Variants in CCDC7 observed in about 807,000 individuals in gnomAD.
CCDC7 encodes the protein coiled-coil domain-containing protein 7.
CCDC7 carries 183 observed loss-of-function variants against 196.9 expected under a neutral mutation model. The ratio of observed to expected loss-of-function variants is 0.93; its 90% CI spans 0.82 to 1.05. The LOEUF is 1.05. Among genes scored for constraint, CCDC7 ranks in the 50% least tolerant of loss-of-function variants. The pLI, the probability that CCDC7 is intolerant of heterozygous loss-of-function variation, is 0.00. For missense variants in CCDC7, 1,540 were observed against 1,482.2 expected, an observed-to-expected ratio of 1.04 and a Z score of -0.64; for synonymous variants, 525 against 484.6, an observed-to-expected ratio of 1.08 and a Z score of -1.10.
chr10:32,732,888 C>A (rs1018388035), intron 28 of CCDC7, among the ~76,000 whole-genome samples: 1 of 151,992 alleles, frequency 6.6e-6, no homozygotes, highest in African/African-American at 2.4e-5. Context: ...GTACTTTCAA[C>A]CTTTTTGTAT....
At chr10:32,687,694 C>T (rs2076615602) in intron 22 of CCDC7, among the ~76,000 whole-genome samples, 1 of 152,186 alleles carries the variant, frequency 6.6e-6, no homozygotes, top group South Asian at 2.1e-4. Flanking sequence ...GGTATACATC[C>T]TCAGGTGCCA....
At chr10:32,538,520 G>A (rs2050878809) in intron 11 of CCDC7, among the ~76,000 whole-genome samples, 1 of 152,164 alleles carries the variant, frequency 6.6e-6, no homozygotes, top group Non-Finnish European at 1.5e-5. Flanking sequence ...CTAATATTGT[G>A]TTGGATAGAA....
chr10:32,521,291 T>C (rs921045789), intron 11 of CCDC7, among the ~76,000 whole-genome samples: 6 of 152,202 alleles, frequency 3.9e-5, no homozygotes, highest in African/African-American at 1.4e-4. Flanking sequence ...ACACTGAATC[T>C]GTACATTGCT....
intron 41 of CCDC7, among the ~76,000 whole-genome samples, chr10:32,861,098 G>A: frequency 1.0e-5 from 1 of 97,936 alleles, no homozygotes; most frequent in Non-Finnish European, 2.1e-5. Flanking sequence ...AGCCTGCATA[G>A]CCAAGACAAT....
chr10:32,611,932 G>A (rs757267205), intron 18 of CCDC7, among the ~76,000 whole-genome samples: 11 of 152,314 alleles, frequency 7.2e-5, no homozygotes, highest in Non-Finnish European at 1.5e-4. Flanking sequence ...GAAATTTGAA[G>A]TAGTTTTTTC....
At chr10:32,677,880 T>A (rs1234654632) in intron 21 of CCDC7, among the ~76,000 whole-genome samples, 1 of 152,186 alleles carries the variant, frequency 6.6e-6, no homozygotes, top group Non-Finnish European at 1.5e-5. Flanking sequence ...CTTATAGGAT[T>A]TCTTCACTCT....
chr10:32,748,368 G>C (rs1000897519), intron 28 of CCDC7, among the ~76,000 whole-genome samples: 1 of 151,954 alleles, frequency 6.6e-6, no homozygotes, highest in African/African-American at 2.4e-5. Flanking sequence ...GAAAAAAAAA[G>C]TAAAACATGT....
At chr10:32,621,637 C>T (rs143749602) in intron 18 of CCDC7, among the ~76,000 whole-genome samples, 1 of 152,124 alleles carries the variant, frequency 6.6e-6, no homozygotes, top group Admixed American at 6.6e-5. Context: ...GATGGTGTAA[C>T]CTCCACTCCA....
chr10:32,728,148 G>T (rs2083395972), intron 26 of CCDC7, among the ~76,000 whole-genome samples: 1 of 152,112 alleles, frequency 6.6e-6, no homozygotes, highest in Non-Finnish European at 1.5e-5. Context: ...TGAAGGAGGG[G>T]TTCTGTAGTG....
At chr10:32,444,220 T>G (rs868467813), upstream of CCDC7, among the ~76,000 whole-genome samples, 1 of 152,260 alleles carries the variant, frequency 6.6e-6, no homozygotes, top group Non-Finnish European at 1.5e-5. Context: ...TAGCTGGAGA[T>G]AGTTCACAGA....
intron 18 of CCDC7, among the ~76,000 whole-genome samples, chr10:32,596,677 C>T (rs1473708165): frequency 6.6e-6 from 1 of 152,144 alleles, no homozygotes; most frequent in Non-Finnish European, 1.5e-5. Context: ...TTGTTCCTTT[C>T]CATGTTTAGT....
At position 32,603,378 on chromosome 10, in the gene CCDC7, T is replaced by G. The variant is rs372945411; in HGVS notation, c.1801+19074T>G. On this transcript the variant is annotated intron_variant, in intron 18 of 41. Transcript: ENST00000639629. The stretch of plus-strand genomic sequence containing the variant: ...GATGGACACTTAGCTTGATTTCATT[T>G]CTTAGCTATTGTGAATAGTGCTGCA... 5.3e-5 allele frequency among the ~76,000 whole-genome samples: 8 copies of G among 152,308 alleles called. No homozygotes were observed. The East Asian group carries it at 1.3e-3, about 26-fold the overall frequency.
intron 41 of CCDC7, among the ~76,000 whole-genome samples, chr10:32,873,608 T>C (rs1381050116): frequency 6.6e-6 from 1 of 151,980 alleles, no homozygotes; most frequent in African/African-American, 2.4e-5. Context: ...CTGTACCACA[T>C]TTTGTTTATC....
intron 15 of CCDC7, among the ~76,000 whole-genome samples, chr10:32,571,004 G>GA (rs2057472693): frequency 8.8e-6 from 1 of 113,446 alleles, no homozygotes. Context: ...AAGGTCACTG[G>GA]CCTTTTTTTT....
intron 28 of CCDC7, among the ~76,000 whole-genome samples, chr10:32,769,407 G>T (rs2078818219): frequency 6.6e-6 from 1 of 151,630 alleles, no homozygotes. Context: ...AGTCTAGATA[G>T]TGATTTATCA....
intron 3 of CCDC7, among the ~76,000 whole-genome samples, chr10:32,459,662 TTTTTTTTTTTTG>T (rs1286492182): frequency 6.8e-6 from 1 of 147,516 alleles, no homozygotes; most frequent in African/African-American, 2.5e-5. Context: ...TTTTTTTTTT[TTTTTTTTTTTTG>T]CTGTTAGCAC....
At chr10:32,453,080 C>T (rs978862728) in intron 1 of CCDC7, among the ~76,000 whole-genome samples, 2 of 152,032 alleles carry the variant, frequency 1.3e-5, no homozygotes, top group Non-Finnish European at 2.9e-5. Context: ...AGGCCCTCTC[C>T]GTTTTAAGAT....
At chr10:32,576,317 A>T (rs1310971575) in intron 16 of CCDC7, among the ~76,000 whole-genome samples, 2 of 148,722 alleles carry the variant, frequency 1.3e-5, no homozygotes, top group Non-Finnish European at 3.0e-5. Context: ...AAAAAAAAAA[A>T]AGAAAAGGAG....
intron 18 of CCDC7, among the ~76,000 whole-genome samples, chr10:32,621,862 C>T (rs144080424): frequency 6.6e-6 from 1 of 152,300 alleles, no homozygotes; most frequent in East Asian, 1.9e-4. Flanking sequence ...TCTTCTTTAG[C>T]CCATCTACTG....
Sources: allele counts gnomAD v4.1 joint callset (sites outside exome capture counted in the v4.1 genomes callset), GRCh38; gene constraint gnomAD v4.1.1; transcripts MANE v1.5; gene names NCBI Gene and HGNC (gene_info 2026-07-23, HGNC 2026-07-21).